AHNAK2: variants seen among roughly 807,000 people sequenced by gnomAD.
AHNAK2 encodes protein AHNAK2.
AHNAK2 carries 18 observed loss-of-function variants against 30.7 expected under a neutral mutation model. The observed-to-expected ratio is 0.59, with a 90% CI of 0.41 to 0.87. The LOEUF (loss-of-function observed/expected upper bound fraction) is 0.87. Ranked by LOEUF, AHNAK2 falls within the 40% of genes least tolerant of loss-of-function variation. The pLI, the probability that AHNAK2 is intolerant of heterozygous loss-of-function variation, is 0.00. For missense variants in AHNAK2, 8,604 were observed against 7,373.0 expected, an observed-to-expected ratio of 1.17 and a Z score of -6.11; for synonymous variants, 3,590 against 3,073.8, an observed-to-expected ratio of 1.17 and a Z score of -5.56.
In AHNAK2 at chr14:104,952,283, C is replaced by A. The variant is rs941309012; in HGVS notation, c.3168G>T (p.Lys1056Asn). Reference protein sequence around the residue: ...LSIQPASTDLKVQADQVDVKL... With the variant: ...LSIQPASTDLNVQADQVDVKL... ...TCACATCCACCTGGTCAGCCTGGAC[C>A]TTCAGGTCAGTAGAAGCAGGCTGAA... The change falls in exon 7 of 7, where the codon AAG (lysine) becomes AAT (asparagine). Residue 1056 changes from lysine (K) to asparagine (N), a missense_variant. Transcript: ENST00000333244. The A allele has an allele frequency of 2.5e-6, 4 of 1,612,560 alleles. No individual in the cohort carries two copies. Among genetic ancestry groups the A allele is most frequent in the Non-Finnish European group, 3.4e-6 (4 of 1,179,646 alleles).
Position 104,966,975 on chromosome 14 carries a change from C to T in AHNAK2, c.56-9303G>A, listed in dbSNP as rs894069780. Reference sequence around the variant, plus strand: ...GAGCCACTTACCCAAGGGGACCCAGCCAGTAGGTGTGGAGCTGGGGCAACT... The same window carrying T: ...GAGCCACTTACCCAAGGGGACCCAGTCAGTAGGTGTGGAGCTGGGGCAACT... On this transcript the variant is annotated intron_variant, in intron 1 of 6. Coordinates refer to ENST00000333244, the MANE Select transcript of AHNAK2 (RefSeq NM_138420.4). The surrounding 1 kb of genome is among the most constrained non-coding windows in gnomAD (Gnocchi z 4.3). Among the ~76,000 whole-genome samples the T allele has an allele frequency of 7.2e-5, 11 of 152,198 alleles. No individual in the cohort carries two copies. Among genetic ancestry groups the T allele is most frequent in the African/African-American group, 2.7e-4 (11 of 41,438 alleles).
chr14:104,967,642 G>C (rs1051119189), intron 1 of AHNAK2, among the ~76,000 whole-genome samples: 1 of 152,234 alleles, frequency 6.6e-6, no homozygotes, highest in Non-Finnish European at 1.5e-5. Flanking sequence ...ACTGCCTGTA[G>C]TGGGGATGGA....
At position 104,951,411 on chromosome 14, in the gene AHNAK2, A is replaced by G. The variant is rs747681527; in HGVS notation, c.4040T>C (p.Ile1347Thr). 2.6e-6 allele frequency: 3 copies of G among 1,147,278 alleles called. No homozygotes were observed. The Admixed American group carries it at 5.9e-5, about 23-fold the overall frequency. 71.1% of individuals were successfully genotyped at this position (1,147,278 alleles called of 1,614,324 possible). A position where few individuals can be genotyped will look rare whatever the true frequency, so the allele number is the denominator to read the frequency against. ...SFGVSAPGKS[I>T]EASVDLSAPK... ...TGCAGACAGGTCCACGGAGGCCTCA[A>G]TGGACTTGCCTGGGGCAGACACCCC... Residue 1347 changes from isoleucine (I) to threonine (T), a missense_variant, in exon 7 of 7, where the codon ATT becomes ACT. Physicochemically the swap from Ile to Thr is moderately conservative, Grantham distance 89. Coordinates refer to ENST00000333244, the MANE Select transcript of AHNAK2 (RefSeq NM_138420.4).
Position 104,978,292 on chromosome 14 carries a change from C to A in AHNAK2, c.-55G>T, listed in dbSNP as rs1899648878. ...GCCCGTCGCGTCCAGTCGCTGGTCCCGGCTCCGGCGCACGGGGCGGGCGGG... is the reference window on the plus strand; with the variant it reads ...GCCCGTCGCGTCCAGTCGCTGGTCCAGGCTCCGGCGCACGGGGCGGGCGGG... On this transcript the variant is annotated 5_prime_UTR_variant, in exon 1 of 7. Coordinates refer to ENST00000333244, the MANE Select transcript of AHNAK2 (RefSeq NM_138420.4). The A allele has an allele frequency of 1.1e-5, 3 of 280,148 alleles. No homozygotes were observed. Among genetic ancestry groups the A allele is most frequent in the South Asian group, 1.5e-4 (1 of 6,786 alleles). 17.4% of individuals were successfully genotyped at this position (280,148 alleles called of 1,614,324 possible).
intron 1 of AHNAK2, among the ~76,000 whole-genome samples, chr14:104,972,490 G>A (rs1412488219): frequency 1.3e-5 from 2 of 152,190 alleles, no homozygotes; most frequent in African/African-American, 4.8e-5. Context: ...GCCAGACACA[G>A]CACTGACCCC....
chr14:104,943,790 G>C lies in AHNAK2; in HGVS notation c.11661C>G (p.Pro3887=). The change falls in exon 7 of 7, where the codon CCC becomes CCG. Residue 3887 remains proline, a synonymous_variant. Transcript: ENST00000333244. ...PEEAGLKGHL[P]KVQMPSFKMP... ...TCTTGAAACTGGGCATCTGCACCTT[G>C]GGCAGGTGTCCTTTGAGGCCGGCTT... The C allele has an allele frequency of 6.2e-7, 1 of 1,613,222 alleles. No homozygotes were observed. The highest frequency in any genetic ancestry group is 8.5e-7 in the Non-Finnish European group (1 of 1,179,614).
chr14:104,947,660 G>T lies in AHNAK2; in HGVS notation c.7791C>A (p.Gly2597=). ...CGGGGGCTGTCACTTCCGCCTTGGG[G>T]CCTTTCAGGTCCAGCTTGGGGCCCT... is the stretch of plus-strand genomic sequence containing the variant. The part of the protein sequence containing the change: ...DVKGPKLDLK[G]PKAEVTAPDV... The change falls in exon 7 of 7, where the codon GGC becomes GGA. Residue 2597 remains glycine (G), a synonymous_variant. Coordinates refer to ENST00000333244, the MANE Select transcript of AHNAK2 (RefSeq NM_138420.4). The T allele has an allele frequency of 6.2e-7, 1 of 1,613,162 alleles. No homozygotes were observed. Among genetic ancestry groups the T allele is most frequent in the Non-Finnish European group, 8.5e-7 (1 of 1,179,680 alleles).
At chr14:104,965,502 A>G (rs1030770966) in intron 1 of AHNAK2, among the ~76,000 whole-genome samples, 12 of 152,268 alleles carry the variant, frequency 7.9e-5, no homozygotes, top group Middle Eastern at 6.8e-3. Flanking sequence ...CCCCACTCTG[A>G]ATTATACTCT....
In AHNAK2 at chr14:104,940,050, C is replaced by T. The variant is rs760291507; in HGVS notation, c.15401G>A (p.Arg5134Lys). 1 of 1,611,120 alleles carries T rather than the reference C, an allele frequency of 6.2e-7. No homozygotes were observed. Among genetic ancestry groups the T allele is most frequent in the Admixed American group, 1.7e-5 (1 of 59,956 alleles). The change falls in exon 7 of 7, where the codon AGA (arginine) becomes AAA (lysine). Residue 5134 changes from arginine (R) to lysine (K), a missense_variant. Coordinates refer to ENST00000333244, the MANE Select transcript of AHNAK2 (RefSeq NM_138420.4). The surrounding 1 kb of genome is among the most constrained non-coding windows in gnomAD (Gnocchi z 4.4). Reference sequence around the variant, plus strand: ...TGGGACATCCCCGAGCCCACATCCTCTGCTGTCACCTTCGGTAGACAGATC... The same window carrying T: ...TGGGACATCCCCGAGCCCACATCCTTTGCTGTCACCTTCGGTAGACAGATC... Reference protein sequence around the residue: ...KHDLSTEGDSRGCGLGDVPVS... With the variant: ...KHDLSTEGDSKGCGLGDVPVS...
chr14:104,963,658 GTC>G (rs1279551552), intron 1 of AHNAK2, among the ~76,000 whole-genome samples: 1 of 151,998 alleles, frequency 6.6e-6, no homozygotes, highest in African/African-American at 2.4e-5. Context: ...GTGAAACCCT[GTC>G]TCTTCTAAAA....
chr14:104,960,298 A>C (rs186565531), intron 1 of AHNAK2, among the ~76,000 whole-genome samples: 126 of 152,314 alleles, frequency 8.3e-4, no homozygotes, highest in Admixed American at 3.3e-3. Flanking sequence ...TGGGTCAAAA[A>C]TGTTCTCCCA....
intron 1 of AHNAK2, among the ~76,000 whole-genome samples, chr14:104,959,320 G>A (rs1434423778): frequency 2.0e-5 from 3 of 152,258 alleles, no homozygotes; most frequent in Admixed American, 6.5e-5. Flanking sequence ...CTACAGACAC[G>A]CGCTACCATG....
chr14:104,963,870 T>G (rs568198453), intron 1 of AHNAK2, among the ~76,000 whole-genome samples: 4 of 147,796 alleles, frequency 2.7e-5, no homozygotes, highest in Non-Finnish European at 4.5e-5. Flanking sequence ...GAGAAAAGAA[T>G]TAAGAGCTTC....
chr14:104,964,932 C>G (rs1304923551), intron 1 of AHNAK2, among the ~76,000 whole-genome samples: 4 of 152,216 alleles, frequency 2.6e-5, no homozygotes, highest in Admixed American at 1.3e-4. Flanking sequence ...TGGATATATT[C>G]CTAGAAAACC....
Position 104,940,789 on chromosome 14 carries a change from C to T in AHNAK2, c.14662G>A (p.Val4888Met), listed in dbSNP as rs1184872665. The T allele has an allele frequency of 6.2e-7, 1 of 1,613,040 alleles. No individual in the cohort carries two copies. The highest frequency in any genetic ancestry group is 8.5e-7 in the Non-Finnish European group (1 of 1,179,900). Reference sequence around the variant, plus strand: ...AGAGGAGACATGACTGGGGCACCCACTGCTGCATGTAGGTCTCCCTCAGGA... The same window carrying T: ...AGAGGAGACATGACTGGGGCACCCATTGCTGCATGTAGGTCTCCCTCAGGA... Reference protein sequence around the residue: ...AVPEGDLHAAVGAPVMSPLSP... With the variant: ...AVPEGDLHAAMGAPVMSPLSP... Residue 4888 changes from valine to methionine, a missense_variant, in exon 7 of 7, where the codon GTG becomes ATG. Transcript: ENST00000333244. The surrounding 1 kb of genome is among the most constrained non-coding windows in gnomAD (Gnocchi z 4.4).
At chr14:104,957,767 G>A (rs190030880) in intron 1 of AHNAK2, 95 bp from the exon 2 acceptor site, 1 of 1,273,344 alleles carries the variant, frequency 7.9e-7, no homozygotes, top group South Asian at 1.3e-5. Context: ...CACTGTGGAG[G>A]TGTCATAGTC....
rs1566901052 is a variant in AHNAK2 at position 104,943,834 on chromosome 14, C to T, written c.11617G>A (p.Glu3873Lys). The change falls in exon 7 of 7, where the codon GAG becomes AAG. Residue 3873 changes from glutamate (E) to lysine (K), a missense_variant. By Grantham distance (56) the Glu-to-Lys change is moderately conservative. Coordinates refer to ENST00000333244, the MANE Select transcript of AHNAK2 (RefSeq NM_138420.4). ...QARQVDMKLL[E>K]GHVPEEAGLK... Reference sequence around the variant, plus strand: ...CCGGCTTCCTCGGGCACGTGGCCCTCCAGGAGTTTCATGTCCACCTGGCGA... The same window carrying T: ...CCGGCTTCCTCGGGCACGTGGCCCTTCAGGAGTTTCATGTCCACCTGGCGA... The T allele has an allele frequency of 3.1e-6, 5 of 1,612,976 alleles. No individual in the cohort carries two copies. The highest frequency in any genetic ancestry group is 4.2e-6 in the Non-Finnish European group (5 of 1,179,548).
chr14:104,947,717 T>C lies in AHNAK2; in HGVS notation c.7734A>G (p.Glu2578=). Residue 2578 remains glutamate, a synonymous_variant, in exon 7 of 7, where the codon GAA becomes GAG. Transcript: ENST00000333244. ...KVQMPSFKMP[E]MDLKGPQLDV... ...CTAGCTGGGGGCCCTTGAGGTCCAT[T>C]TCAGGCATCTTGAAACTGGGCATCT... 1 of 1,612,278 alleles carries C rather than the reference T, an allele frequency of 6.2e-7. No homozygotes were observed. Among genetic ancestry groups the C allele is most frequent in the Non-Finnish European group, 8.5e-7 (1 of 1,179,486 alleles).
Position 104,942,832 on chromosome 14 carries a change from G to T in AHNAK2, c.12619C>A (p.Pro4207Thr), listed in dbSNP as rs759197011. The change falls in exon 7 of 7, where the codon CCC becomes ACC. Residue 4207 changes from proline (P) to threonine (T), a missense_variant. Transcript: ENST00000333244. ...TGCCCTTTGAGGCCGGCTCCCTTGGGCAGGGGGCCCTCCGGGAGTTTCACG... is the reference window on the plus strand; with the variant it reads ...TGCCCTTTGAGGCCGGCTCCCTTGGTCAGGGGGCCCTCCGGGAGTTTCACG... ...VDVKLPEGPL[P>T]KGAGLKGHLP... is the part of the protein sequence containing the mutation. The T allele has an allele frequency of 3.1e-6, 5 of 1,612,880 alleles. No homozygotes were observed. The Admixed American group carries it at 8.3e-5, about 27-fold the overall frequency.
Sources: gnomAD v4.1 joint callset for allele counts (sites outside exome capture counted in the v4.1 genomes callset) on GRCh38, gnomAD v4.1.1 for gene constraint, Gnocchi (gnomAD v3.1) non-coding constraint, MANE v1.5 for transcripts, NCBI Gene and HGNC (gene_info 2026-07-23, HGNC 2026-07-21) for gene names.